Variants in SLC8A3 observed in about 807,000 individuals in gnomAD.
SLC8A3 encodes solute carrier family 8 member A3.
Under a neutral mutation model 65.4 loss-of-function variants are expected in SLC8A3, and 37 were observed. The observed-to-expected ratio is 0.57, with a 90% CI of 0.44 to 0.74. SLC8A3 has a LOEUF of 0.74. Among genes scored for constraint, SLC8A3 ranks in the 30% least tolerant of loss-of-function variants. The probability of loss-of-function intolerance (pLI) is 0.00; values close to 1 mark genes in which losing one functional copy is unlikely to be tolerated. For synonymous variants in SLC8A3, 461 were observed against 444.5 expected, an observed-to-expected ratio of 1.04 and a Z score of -0.47; for missense variants, 1,112 against 1,172.1, an observed-to-expected ratio of 0.95 and a Z score of 0.75.
intron 3 of SLC8A3, among the ~76,000 whole-genome samples, chr14:70,052,690 A>G (rs1418989851): frequency 6.6e-6 from 1 of 152,202 alleles, no homozygotes; most frequent in African/African-American, 2.4e-5. Context: ...GATTAGAGTG[A>G]AATAGAGATT....
intron 2 of SLC8A3, among the ~76,000 whole-genome samples, chr14:70,074,258 C>A: frequency 6.6e-6 from 1 of 152,176 alleles, no homozygotes; most frequent in East Asian, 1.9e-4. Flanking sequence ...CAGAAATTTC[C>A]ACCTGTGAGA....
chr14:70,068,711 T>G (rs758763514), intron 2 of SLC8A3, among the ~76,000 whole-genome samples: 5 of 152,094 alleles, frequency 3.3e-5, no homozygotes, highest in African/African-American at 4.8e-5. Context: ...TTCTGCTTTA[T>G]TAACATAGAT....
chr14:70,109,445 ACG>A (rs1491392099), intron 2 of SLC8A3, among the ~76,000 whole-genome samples: 7 of 77,056 alleles, frequency 9.1e-5, no homozygotes, highest in African/African-American at 3.2e-4. Context: ...ATGTATATGT[ACG>A]TGTGTGTATA....
chr14:70,098,554 A>ACCCCTGCCCCTGCTGCCC (rs1892346434), intron 2 of SLC8A3, among the ~76,000 whole-genome samples: 2 of 152,200 alleles, frequency 1.3e-5, no homozygotes, highest in African/African-American at 4.8e-5. Flanking sequence ...AGATGGGGGC[A>ACCCCTGCCCCTGCTGCCC]GCGGGAAGTT....
intron 2 of SLC8A3, among the ~76,000 whole-genome samples, chr14:70,070,732 T>C (rs761303858): frequency 6.6e-5 from 10 of 152,072 alleles, no homozygotes; most frequent in Non-Finnish European, 1.5e-4. Flanking sequence ...ATGATGTCCA[T>C]GCATAAAAAA....
At chr14:70,052,483 G>C (rs577310305) in intron 3 of SLC8A3, among the ~76,000 whole-genome samples, 1 of 152,200 alleles carries the variant, frequency 6.6e-6, no homozygotes, top group Non-Finnish European at 1.5e-5. Context: ...GGGCCTGTTT[G>C]TTCAACCACT....
chr14:70,092,088 T>A (rs1891838870), intron 2 of SLC8A3, among the ~76,000 whole-genome samples: 1 of 152,236 alleles, frequency 6.6e-6, no homozygotes. Flanking sequence ...TAACTCCACA[T>A]GATTTTCAAA....
At chr14:70,142,994 T>C (rs10146210) in intron 2 of SLC8A3, among the ~76,000 whole-genome samples, 17,738 of 152,238 alleles carry the variant, frequency 0.12, 1,110 homozygotes, top group Middle Eastern at 0.16. Flanking sequence ...ATAATCAATA[T>C]TCAAGTGATT....
At chr14:70,177,880 G>A (rs3886483) in intron 1 of SLC8A3, among the ~76,000 whole-genome samples, 41,007 of 152,108 alleles carry the variant, frequency 0.27, 6,013 homozygotes, top group East Asian at 0.58. Flanking sequence ...GAATGAAAGC[G>A]GGGCAAGACT....
Position 70,168,459 on chromosome 14 carries a change from A to C in SLC8A3, c.-37T>G. The stretch of plus-strand genomic sequence containing the variant: ...AGCCACTGGCTTCTATTGCAGCACC[A>C]GTTGTCCTCCTGATAGGCCAGAGAC... On this transcript the variant is annotated 5_prime_UTR_variant, in exon 2 of 7. Coordinates refer to ENST00000356921, the MANE Select transcript of SLC8A3 (RefSeq NM_182932.3). 1 of 1,545,164 alleles carries C rather than the reference A, an allele frequency of 6.5e-7. No homozygotes were observed. The highest frequency in any genetic ancestry group is 8.9e-7 in the Non-Finnish European group (1 of 1,129,332).
At chr14:70,088,725 T>A (rs1468285122) in intron 2 of SLC8A3, among the ~76,000 whole-genome samples, 1 of 152,110 alleles carries the variant, frequency 6.6e-6, no homozygotes, top group East Asian at 1.9e-4. Flanking sequence ...ATTCAAACAT[T>A]CCATAGCTGA....
rs139038998 is a variant in SLC8A3 at position 70,046,574 on chromosome 14, T to C, written c.2390-251A>G. 189 of 448,704 alleles carry C rather than the reference T, an allele frequency of 4.2e-4. No individual in the cohort carries two copies. The highest frequency in any genetic ancestry group is 3.3e-3 in the African/African-American group (169 of 51,996). 27.8% of individuals were successfully genotyped at this position (448,704 alleles called of 1,614,324 possible). On this transcript the variant is annotated intron_variant, in intron 6 of 6. Coordinates refer to ENST00000356921, the MANE Select transcript of SLC8A3 (RefSeq NM_182932.3). The surrounding 1 kb of genome is among the most constrained non-coding windows in gnomAD (Gnocchi z 4.2). ...TGAAAGATTCTGAAGGGCTTTCCAGTTCTGATATTTACTGAGTGGGCTTAT... is the reference window on the plus strand; with the variant it reads ...TGAAAGATTCTGAAGGGCTTTCCAGCTCTGATATTTACTGAGTGGGCTTAT...
At chr14:70,099,440 G>A (rs1892414637) in intron 2 of SLC8A3, among the ~76,000 whole-genome samples, 2 of 152,160 alleles carry the variant, frequency 1.3e-5, no homozygotes, top group South Asian at 4.1e-4. Context: ...GTTGCAAATC[G>A]CAGCTCCTTC....
intron 2 of SLC8A3, among the ~76,000 whole-genome samples, chr14:70,085,711 G>A (rs1891382418): frequency 6.6e-6 from 1 of 152,166 alleles, no homozygotes; most frequent in African/African-American, 2.4e-5. Context: ...TATGAAACTG[G>A]GAAGAGCCTC....
intron 1 of SLC8A3, among the ~76,000 whole-genome samples, chr14:70,174,412 G>A (rs999584037): frequency 6.6e-6 from 1 of 152,170 alleles, no homozygotes. Flanking sequence ...TTAGATGATC[G>A]CTATAGTTCC....
In SLC8A3 at chr14:70,127,403, G is replaced by C. The variant is rs74061063; in HGVS notation, c.1784+39236C>G. 9.0e-3 allele frequency among the ~76,000 whole-genome samples: 1,369 copies of C among 152,204 alleles called. 16 individuals carry two copies. The highest frequency in any genetic ancestry group is 0.03 in the African/African-American group (1,258 of 41,530). ...TTTGACCCCGCCCAGGCATCTTAGC[G>C]CTTTATTGACGGTTTTGTAGACCCG... is the stretch of plus-strand genomic sequence containing the variant. On this transcript the variant is annotated intron_variant, in intron 2 of 6. Transcript: ENST00000356921.
intron 2 of SLC8A3, among the ~76,000 whole-genome samples, chr14:70,155,602 C>A (rs1233856464): frequency 6.6e-6 from 1 of 152,188 alleles, no homozygotes; most frequent in Non-Finnish European, 1.5e-5. Flanking sequence ...ATCCTTACAT[C>A]TTTAAAAGTG....
chr14:70,061,230 A>C (rs1384695888), intron 2 of SLC8A3, among the ~76,000 whole-genome samples: 1 of 152,180 alleles, frequency 6.6e-6, no homozygotes, highest in Admixed American at 6.5e-5. Context: ...GGGGAGGAGA[A>C]GGCAGAAGGC....
upstream of SLC8A3, chr14:70,189,001 A>C (rs1170924682): frequency 6.6e-6 from 1 of 152,208 alleles, no homozygotes; most frequent in African/African-American, 2.4e-5. Flanking sequence ...TGCCGGAAGA[A>C]GCCAAATCAA....
Sources: gnomAD v4.1 joint callset for allele counts (sites outside exome capture counted in the v4.1 genomes callset) on GRCh38, gnomAD v4.1.1 for gene constraint, Gnocchi (gnomAD v3.1) non-coding constraint, MANE v1.5 for transcripts, NCBI Gene and HGNC (gene_info 2026-07-23, HGNC 2026-07-21) for gene names.